LRP1B: variants seen among roughly 807,000 people sequenced by gnomAD.
LRP1B encodes the protein LDL receptor related protein 1B.
A neutral mutation model predicts 556.6 loss-of-function variants in LRP1B; 217 were observed. The observed-to-expected ratio is 0.39, with a 90% CI of 0.35 to 0.44. The LOEUF is 0.44. Among genes scored for constraint, LRP1B ranks in the 20% least tolerant of loss-of-function variants. LRP1B has a pLI of 1.00. For missense variants in LRP1B, 5,053 were observed against 5,620.8 expected (o/e 0.90, Z 3.23); for synonymous variants, 2,047 against 1,865.8 (o/e 1.10, Z -2.50).
intron 2 of LRP1B, among the ~76,000 whole-genome samples, chr2:141,625,902 A>G (rs1266901200): frequency 6.6e-6 from 1 of 152,130 alleles, no homozygotes; most frequent in Non-Finnish European, 1.5e-5. Flanking sequence ...ATAATTCTAT[A>G]TTTAGATTGC....
At chr2:140,901,791 G>T (rs1331413160) in intron 23 of LRP1B, among the ~76,000 whole-genome samples, 1 of 152,014 alleles carries the variant, frequency 6.6e-6, no homozygotes, top group African/African-American at 2.4e-5. Context: ...TTATTTTGAT[G>T]TCATGAAATT....
intron 41 of LRP1B, among the ~76,000 whole-genome samples, chr2:140,691,330 G>A (rs541277568): frequency 8.6e-5 from 13 of 152,036 alleles, no homozygotes; most frequent in African/African-American, 3.1e-4. Context: ...AATTAGTCAG[G>A]CGTGGAGGCA....
chr2:140,969,255 T>C (rs1291550432), intron 18 of LRP1B, among the ~76,000 whole-genome samples: 1 of 152,252 alleles, frequency 6.6e-6, no homozygotes, highest in Non-Finnish European at 1.5e-5. Flanking sequence ...TAGCTCTTCT[T>C]GTTGAATTGA....
Position 140,232,735 on chromosome 2 carries a change from G to C in LRP1B, c.*451C>G, listed in dbSNP as rs1373398642. 1 of 151,816 alleles carries C rather than the reference G, an allele frequency of 6.6e-6. No homozygotes were observed. The highest frequency in any genetic ancestry group is 1.5e-5 in the Non-Finnish European group (1 of 67,674). 9.4% of individuals were successfully genotyped at this position (151,816 alleles called of 1,614,324 possible). A position where few individuals can be genotyped will look rare whatever the true frequency, so the allele number is the denominator to read the frequency against. On this transcript the variant is annotated 3_prime_UTR_variant, in exon 91 of 91. Transcript: ENST00000389484. ...TCGATCTTTATGGGCACAAAGAAGA[G>C]AGTTGACCATTCAATCATTTTTCCA... is the stretch of plus-strand genomic sequence containing the variant.
At chr2:141,441,049 G>A (rs577554467) in intron 3 of LRP1B, among the ~76,000 whole-genome samples, 11 of 151,824 alleles carry the variant, frequency 7.2e-5, no homozygotes, top group Non-Finnish European at 1.5e-4. Context: ...AGGCTGAGAA[G>A]CCCTGATTTT....
chr2:141,710,891 A>G (rs1264081124), intron 2 of LRP1B, among the ~76,000 whole-genome samples: 1 of 152,208 alleles, frequency 6.6e-6, no homozygotes, highest in Non-Finnish European at 1.5e-5. Context: ...TTTTGTATCA[A>G]TAAAGTATCA....
At chr2:141,398,941 T>C (rs1438010935) in intron 3 of LRP1B, among the ~76,000 whole-genome samples, 1 of 152,130 alleles carries the variant, frequency 6.6e-6, no homozygotes, top group Non-Finnish European at 1.5e-5. Context: ...TTGTGCCCTA[T>C]AGTTCACCTT....
At chr2:140,691,201 G>C (rs1012241367) in intron 41 of LRP1B, among the ~76,000 whole-genome samples, 1 of 152,110 alleles carries the variant, frequency 6.6e-6, no homozygotes, top group Non-Finnish European at 1.5e-5. Context: ...GCAGGGCGCG[G>C]TGGCTCACGC....
chr2:140,492,603 C>T lies in LRP1B; in HGVS notation c.9120+5G>A, dbSNP rs2104862899. The T allele has an allele frequency of 6.2e-7, 1 of 1,604,890 alleles. No homozygotes were observed. Among genetic ancestry groups the T allele is most frequent in the Non-Finnish European group, 8.5e-7 (1 of 1,171,774 alleles). On this transcript the variant is annotated splice_donor_5th_base_variant and intron_variant, in intron 57 of 90. Coordinates refer to ENST00000389484, the MANE Select transcript of LRP1B (RefSeq NM_018557.3). ...TGTTACGGTGTCATCTTGGGAGTGT[C>T]ATACCTGTTTTAAAAGTGTGTAGTT...
intron 84 of LRP1B, among the ~76,000 whole-genome samples, chr2:140,292,672 G>A (rs540476104): frequency 8.7e-4 from 132 of 152,130 alleles, no homozygotes; most frequent in African/African-American, 2.6e-3. Flanking sequence ...ATAATAACTC[G>A]TTTCCTTTTT....
intron 46 of LRP1B, among the ~76,000 whole-genome samples, chr2:140,536,265 A>C (rs1013899118): frequency 9.5e-5 from 13 of 137,376 alleles, no homozygotes; most frequent in African/African-American, 3.3e-4. Context: ...GCTTGAGCTC[A>C]GGAGTTTGAG....
intron 66 of LRP1B, among the ~76,000 whole-genome samples, chr2:140,420,773 T>C (rs1685404792): frequency 6.6e-6 from 1 of 152,186 alleles, no homozygotes; most frequent in Non-Finnish European, 1.5e-5. Flanking sequence ...GTATGACTTG[T>C]TTTATGTAAA....
intron 2 of LRP1B, among the ~76,000 whole-genome samples, chr2:141,549,171 T>C (rs1237712927): frequency 3.1e-4 from 47 of 152,182 alleles, no homozygotes; most frequent in Admixed American, 3.1e-3. Context: ...GTTTCAATCT[T>C]AATTCTATGA....
At chr2:141,747,224 A>G (rs1693948056) in intron 2 of LRP1B, among the ~76,000 whole-genome samples, 3 of 152,230 alleles carry the variant, frequency 2.0e-5, no homozygotes, top group Admixed American at 2.0e-4. Flanking sequence ...ACTACATCCT[A>G]AATCCAGAAA....
intron 7 of LRP1B, among the ~76,000 whole-genome samples, chr2:141,087,274 C>A (rs1700070371): frequency 6.6e-6 from 1 of 152,110 alleles, no homozygotes; most frequent in Non-Finnish European, 1.5e-5. Context: ...TCCCTTTCTT[C>A]CCATCTCCAA....
intron 23 of LRP1B, among the ~76,000 whole-genome samples, chr2:140,897,874 T>C (rs1693996751): frequency 6.6e-6 from 1 of 152,168 alleles, no homozygotes; most frequent in African/African-American, 2.4e-5. Flanking sequence ...GTTTCCGGGC[T>C]CCTCAGCTTG....
chr2:141,377,473 T>G (rs1206218332), intron 3 of LRP1B, among the ~76,000 whole-genome samples: 1 of 152,106 alleles, frequency 6.6e-6, no homozygotes, highest in Non-Finnish European at 1.5e-5. Flanking sequence ...TCTAATTTAT[T>G]TTTCTAAACA....
intron 6 of LRP1B, among the ~76,000 whole-genome samples, chr2:141,217,551 A>G (rs1253517700): frequency 6.6e-6 from 1 of 152,180 alleles, no homozygotes; most frequent in Non-Finnish European, 1.5e-5. Flanking sequence ...AAAAAATGAA[A>G]TTTGACCTCT....
intron 83 of LRP1B, among the ~76,000 whole-genome samples, chr2:140,298,472 TATA>T (rs1452633669): frequency 6.6e-6 from 1 of 152,188 alleles, no homozygotes; most frequent in Non-Finnish European, 1.5e-5. Flanking sequence ...ACATGTAATT[TATA>T]ATAATTAAAT....
Sources: allele counts gnomAD v4.1 joint callset (sites outside exome capture counted in the v4.1 genomes callset), GRCh38; gene constraint gnomAD v4.1.1; transcripts MANE v1.5; gene names NCBI Gene and HGNC (gene_info 2026-07-23, HGNC 2026-07-21).